The following IP6K2 variants were observed in gnomAD, a reference collection of about 807,000 sequenced individuals.
The protein encoded by IP6K2 is ATP:1D-myo-inositol-hexakisphosphate phosphotransferase.
IP6K2 carries 9 observed loss-of-function variants against 43.3 expected under a neutral mutation model. That is an observed-to-expected ratio of 0.21 (90% CI 0.13 to 0.36). IP6K2 has a LOEUF of 0.36. Among genes scored for constraint, IP6K2 ranks in the 10% least tolerant of loss-of-function variants. IP6K2 has a pLI of 1.00. For missense variants in IP6K2, 332 were observed against 538.4 expected (o/e 0.62, Z 3.79); for synonymous variants, 209 against 202.4 (o/e 1.03, Z -0.28).
chr3:48,705,035 A>AGTGAT lies in IP6K2; in HGVS notation c.-130-9615_-130-9614insATCAC, dbSNP rs1575704047. ...CAGCTCACTGCAAGCTCCGCCTCCC[A>AGTGAT]GGTTCACGCCATTCTCCTGCCTCAG... On this transcript the variant is annotated intron_variant, in intron 1 of 5. Coordinates refer to ENST00000328631, the MANE Select transcript of IP6K2 (RefSeq NM_016291.4). Among the ~76,000 whole-genome samples the AGTGAT allele has an allele frequency of 2.0e-5, 3 of 151,770 alleles. No individual in the cohort carries two copies. In the East Asian group the frequency reaches 5.8e-4, roughly 30 times the overall value.
chr3:48,695,720 GA>G lies in IP6K2; in HGVS notation c.-130-300del, dbSNP rs2078264258. On this transcript the variant is annotated intron_variant, in intron 1 of 5. Coordinates refer to ENST00000328631, the MANE Select transcript of IP6K2 (RefSeq NM_016291.4). This position sits in a 1 kb window ranked among gnomAD's most constrained non-coding sequence, Gnocchi z 4.6. ...CCGCAGGCAAAACTGATGCCATGGTGAGGTGAAATCACAATTTCAAGCCTAA... is the reference window on the plus strand; with the variant it reads ...CCGCAGGCAAAACTGATGCCATGGTGGGTGAAATCACAATTTCAAGCCTAA... 1 of 294,752 alleles carries G rather than the reference GA, an allele frequency of 3.4e-6. No individual in the cohort carries two copies. Among genetic ancestry groups the G allele is most frequent in the African/African-American group, 2.2e-5 (1 of 46,374 alleles). The allele number at this position is 294,752 out of a possible 1,614,324, so 18.3% of individuals were successfully genotyped here.
At chr3:48,701,463 A>G (rs2106908707) in intron 1 of IP6K2, among the ~76,000 whole-genome samples, 1 of 137,054 alleles carries the variant, frequency 7.3e-6, no homozygotes, top group African/African-American at 2.7e-5. Context: ...GCTACTCGGG[A>G]GGCTGAGGCA....
chr3:48,713,084 G>GTGAGTAGT (rs1330111427), intron 1 of IP6K2, among the ~76,000 whole-genome samples: 1 of 152,142 alleles, frequency 6.6e-6, no homozygotes, highest in African/African-American at 2.4e-5. Context: ...GAATGGGCAG[G>GTGAGTAGT]TGAGTAGTTA....
chr3:48,689,335 C>T (rs1311397471), intron 5 of IP6K2, among the ~76,000 whole-genome samples: 2 of 152,092 alleles, frequency 1.3e-5, no homozygotes, highest in African/African-American at 4.8e-5. Context: ...GTATTTTTAG[C>T]AGAGACAGGG....
chr3:48,709,563 G>A (rs1374744361), intron 1 of IP6K2, among the ~76,000 whole-genome samples: 3 of 152,152 alleles, frequency 2.0e-5, no homozygotes, highest in African/African-American at 7.2e-5. Context: ...GTCAGGCTGG[G>A]CGCGGTGGCT....
At position 48,693,164 on chromosome 3, in the gene IP6K2, C is replaced by A; in HGVS notation, c.218G>T (p.Arg73Leu). The A allele has an allele frequency of 6.2e-7, 1 of 1,613,898 alleles. No individual in the cohort carries two copies. Among genetic ancestry groups the A allele is most frequent in the Non-Finnish European group, 8.5e-7 (1 of 1,179,814 alleles). Residue 73 changes from arginine (R) to leucine (L), a missense_variant, in exon 3 of 6, where the codon CGC (arginine) becomes CTC (leucine). Physicochemically the swap from Arg to Leu is moderately radical, Grantham distance 102 (BLOSUM62 -2). Coordinates refer to ENST00000328631, the MANE Select transcript of IP6K2 (RefSeq NM_016291.4). ...TPQYKGVVSV[R>L]FEEDEDRNLC... ...GTTCCTGTCTTCATCTTCTTCAAAG[C>A]GCACAGATACCACACCTGGAAGGGG...
chr3:48,715,499 T>C (rs2081090344), intron 1 of IP6K2: 5 of 1,523,930 alleles, frequency 3.3e-6, no homozygotes, highest in Non-Finnish European at 4.4e-6. Context: ...AGGGCTAGCA[T>C]ACAGTGTACC....
intron 1 of IP6K2, among the ~76,000 whole-genome samples, chr3:48,702,479 G>T (rs1432944594): frequency 6.9e-6 from 1 of 144,004 alleles, no homozygotes; most frequent in Non-Finnish European, 1.5e-5. Context: ...GTCTTGCTCT[G>T]TTGCCCAGGC....
Position 48,688,582 on chromosome 3 carries a change from G to A in IP6K2, c.972C>T (p.Tyr324=). ...CCAGCAGGGAGCTTGAGTAGAAGCG[G>A]TAGGACTCCTGTCGCTCCAACACTG... The part of the protein sequence containing the change: ...LKAVLERQES[Y]RFYSSSLLVI... Residue 324 remains tyrosine, a synonymous_variant, in exon 6 of 6, where the codon TAC becomes TAT. Coordinates refer to ENST00000328631, the MANE Select transcript of IP6K2 (RefSeq NM_016291.4). This position sits in a 1 kb window ranked among gnomAD's most constrained non-coding sequence, Gnocchi z 5.1. 1 of 1,614,236 alleles carries A rather than the reference G, an allele frequency of 6.2e-7. No homozygotes were observed. Among genetic ancestry groups the A allele is most frequent in the Non-Finnish European group, 8.5e-7 (1 of 1,180,040 alleles).
At chr3:48,717,012 G>A (rs2081267588) in intron 1 of IP6K2, 145 bp downstream of exon 1, 1 of 153,800 alleles carries the variant, frequency 6.5e-6, no homozygotes, top group Non-Finnish European at 1.5e-5. Context: ...GGGACCCCGG[G>A]AGATTTCCCC....
intron 1 of IP6K2, among the ~76,000 whole-genome samples, chr3:48,705,246 C>A (rs1308335205): frequency 6.6e-6 from 1 of 151,722 alleles, no homozygotes; most frequent in Non-Finnish European, 1.5e-5. Flanking sequence ...CCAGTAGAGA[C>A]TGGGTTCAGT....
intron 1 of IP6K2, among the ~76,000 whole-genome samples, chr3:48,709,398 T>G (rs1223388281): frequency 6.6e-6 from 1 of 152,216 alleles, no homozygotes; most frequent in East Asian, 1.9e-4. Flanking sequence ...AGACAAATAC[T>G]CCTCGCAAGG....
intron 1 of IP6K2, among the ~76,000 whole-genome samples, chr3:48,708,422 G>GCCTT (rs2080079066): frequency 3.3e-5 from 5 of 151,686 alleles, no homozygotes; most frequent in African/African-American, 1.2e-4. Context: ...TTTGAGATGG[G>GCCTT]GGCTCACTAT....
Position 48,689,564 on chromosome 3 carries a change from T to G in IP6K2, c.754A>C (p.Ile252Leu). ...TGCATGCCACACACACGCACACCAA[T>G]GACTGCAGATGTGCTCTGCTGACAT... ...RKCQQSTSAVIGVRVCGMQVY... is the reference protein window; with the variant it reads ...RKCQQSTSAVLGVRVCGMQVY... The change falls in exon 5 of 6, where the codon ATT (isoleucine) becomes CTT (leucine). Residue 252 changes from isoleucine to leucine, a missense_variant. Physicochemically the swap from Ile to Leu is conservative, Grantham distance 5. Transcript: ENST00000328631. 6.2e-7 allele frequency: 1 copy of G among 1,613,868 alleles called. No individual in the cohort carries two copies. Among genetic ancestry groups the G allele is most frequent in the Non-Finnish European group, 8.5e-7 (1 of 1,179,972 alleles).
chr3:48,694,173 C>T (rs2078047131), intron 2 of IP6K2: 1 of 1,549,838 alleles, frequency 6.5e-7, no homozygotes, highest in Non-Finnish European at 8.7e-7. Flanking sequence ...CCTGTGGCCA[C>T]AGGGGAAAGG....
chr3:48,703,548 CAAAAAAA>C (rs35725171), intron 1 of IP6K2, among the ~76,000 whole-genome samples: 3 of 69,868 alleles, frequency 4.3e-5, no homozygotes, highest in Non-Finnish European at 5.8e-5. Context: ...ACTAAAAATA[CAAAAAAA>C]AAAAAAAAAA....
chr3:48,693,394 G>A (rs1462554673), intron 2 of IP6K2: 2 of 1,208,954 alleles, frequency 1.7e-6, no homozygotes, highest in African/African-American at 3.0e-5. Flanking sequence ...ATGGCTGAGA[G>A]TCTTCCTCTC....
intron 1 of IP6K2, chr3:48,699,601 A>G (rs1473512311): frequency 1.3e-5 from 2 of 152,198 alleles, no homozygotes; most frequent in Non-Finnish European, 2.9e-5. Flanking sequence ...GGGTAGAAAG[A>G]TAGGAAAAAT....
Position 48,693,001 on chromosome 3 carries a change from G to A in IP6K2, c.381C>T (p.Thr127=), listed in dbSNP as rs765704684. Residue 127 remains threonine (T), a synonymous_variant, in exon 3 of 6, where the codon ACC becomes ACT. Transcript: ENST00000328631. ...KKHHVLETEK[T]PKDWVRQHRK... is the part of the protein sequence containing the mutation. Reference sequence around the variant, plus strand: ...GGTGCTGACGCACCCAGTCCTTAGGGGTCTTTTCTGTTTCTAAGACATGAT... The same window carrying A: ...GGTGCTGACGCACCCAGTCCTTAGGAGTCTTTTCTGTTTCTAAGACATGAT... 2.4e-5 allele frequency: 39 copies of A among 1,614,174 alleles called. No homozygotes were observed. The highest frequency in any genetic ancestry group is 3.2e-5 in the Non-Finnish European group (38 of 1,180,032).
Sources: allele counts gnomAD v4.1 joint callset (sites outside exome capture counted in the v4.1 genomes callset), GRCh38; gene constraint gnomAD v4.1.1; non-coding constraint Gnocchi (gnomAD v3.1); transcripts MANE v1.5; gene names NCBI Gene and HGNC (gene_info 2026-07-23, HGNC 2026-07-21).